Variants in ROBO1 observed in about 807,000 individuals in gnomAD.
The protein encoded by ROBO1 is roundabout guidance receptor 1, also known as roundabout homolog 1.
Under a neutral mutation model 195.9 loss-of-function variants are expected in ROBO1, and 149 were observed. That is an observed-to-expected ratio of 0.76 (90% CI 0.67 to 0.87). ROBO1 has a LOEUF of 0.87. Among genes scored for constraint, ROBO1 ranks in the 40% least tolerant of loss-of-function variants. The pLI is 0.00. For synonymous variants in ROBO1, 816 were observed against 733.2 expected (o/e 1.11, Z -1.82); for missense variants, 1,933 against 2,068.3 (o/e 0.93, Z 1.27).
chr3:79,399,469 T>C (rs376609474), intron 2 of ROBO1, among the ~76,000 whole-genome samples: 263 of 152,278 alleles, frequency 1.7e-3, no homozygotes, highest in African/African-American at 6.0e-3. Flanking sequence ...TGGAACACTT[T>C]TCCTCTGATT....
intron 2 of ROBO1, among the ~76,000 whole-genome samples, chr3:79,283,329 T>C (rs2031653284): frequency 6.6e-6 from 1 of 152,184 alleles, no homozygotes; most frequent in Admixed American, 6.5e-5. Context: ...TCATGCAATA[T>C]ACCCAGGTAA....
intron 2 of ROBO1, among the ~76,000 whole-genome samples, chr3:79,191,461 T>G (rs555201160): frequency 6.6e-6 from 1 of 151,574 alleles, no homozygotes; most frequent in Non-Finnish European, 1.5e-5. Flanking sequence ...CTCTTTGTAT[T>G]ATTTAGATTA....
chr3:79,498,292 G>C (rs560823376), intron 2 of ROBO1, among the ~76,000 whole-genome samples: 1 of 150,924 alleles, frequency 6.6e-6, no homozygotes, highest in Non-Finnish European at 1.5e-5. Context: ...AATTTATACC[G>C]CCATATGGAA....
At chr3:79,145,914 T>C (rs2080639055) in intron 2 of ROBO1, among the ~76,000 whole-genome samples, 1 of 152,032 alleles carries the variant, frequency 6.6e-6, no homozygotes, top group Non-Finnish European at 1.5e-5. Flanking sequence ...TGGATAATTC[T>C]ACTGTAGATG....
intron 5 of ROBO1, among the ~76,000 whole-genome samples, chr3:78,740,880 T>C (rs941803766): frequency 1.3e-5 from 2 of 152,160 alleles, no homozygotes; most frequent in Non-Finnish European, 2.9e-5. Context: ...ATATATACTA[T>C]GAACAGATAT....
intron 1 of ROBO1, among the ~76,000 whole-genome samples, chr3:79,729,611 C>T (rs563801479): frequency 1.3e-5 from 2 of 152,086 alleles, no homozygotes; most frequent in Non-Finnish European, 2.9e-5. Flanking sequence ...CTGTATTTTT[C>T]TCATTTCTGA....
chr3:78,844,559 T>C (rs914276693), intron 4 of ROBO1, among the ~76,000 whole-genome samples: 4 of 152,144 alleles, frequency 2.6e-5, no homozygotes, highest in African/African-American at 9.6e-5. Flanking sequence ...TGGCAAAAGA[T>C]TTATGAGCAA....
At chr3:79,358,633 T>G (rs548252504) in intron 2 of ROBO1, among the ~76,000 whole-genome samples, 1 of 152,192 alleles carries the variant, frequency 6.6e-6, no homozygotes, top group African/African-American at 2.4e-5. Context: ...TGTTTTCCCA[T>G]GCTGGACGTC....
intron 2 of ROBO1, among the ~76,000 whole-genome samples, chr3:79,502,576 C>G (rs1006718301): frequency 6.6e-6 from 1 of 152,156 alleles, no homozygotes; most frequent in African/African-American, 2.4e-5. Context: ...GCTCCCAGTC[C>G]CATCCACTGC....
intron 4 of ROBO1, among the ~76,000 whole-genome samples, chr3:78,848,544 A>G (rs2033824283): frequency 6.6e-6 from 1 of 152,148 alleles, no homozygotes; most frequent in South Asian, 2.1e-4. Flanking sequence ...CAACTCTTGT[A>G]CAGCACAGAC....
intron 2 of ROBO1, among the ~76,000 whole-genome samples, chr3:79,411,909 C>T (rs889196531): frequency 1.3e-5 from 2 of 152,084 alleles, no homozygotes; most frequent in Non-Finnish European, 2.9e-5. Flanking sequence ...ATTGAAAACC[C>T]TGGTTACTCA....
At chr3:79,353,093 A>C (rs1043404182) in intron 2 of ROBO1, among the ~76,000 whole-genome samples, 1 of 152,170 alleles carries the variant, frequency 6.6e-6, no homozygotes, top group Admixed American at 6.5e-5. Context: ...TTAACTGTCT[A>C]TCCGTAATCT....
In ROBO1 at chr3:78,960,167, A is replaced by C. The variant is rs75580003; in HGVS notation, c.173-21240T>G. On this transcript the variant is annotated intron_variant, in intron 3 of 30. Coordinates refer to ENST00000464233, the MANE Select transcript of ROBO1 (RefSeq NM_002941.4). The stretch of plus-strand genomic sequence containing the variant: ...ACTCCAGCATGGGTGACACGGCAAA[A>C]TCCCATCTCTAAAAACATAGAAAAT... Among the ~76,000 whole-genome samples, 236 of 152,166 alleles carry C rather than the reference A, an allele frequency of 1.6e-3. 1 individual carries two copies. In the East Asian group the frequency reaches 0.031, roughly 20 times the overall value.
chr3:79,121,229 G>T (rs185742665), intron 3 of ROBO1, among the ~76,000 whole-genome samples: 25 of 152,124 alleles, frequency 1.6e-4, no homozygotes, highest in African/African-American at 5.5e-4. Context: ...GTACATACAC[G>T]TTAAAAATTC....
At chr3:79,500,989 G>T (rs1451661807) in intron 2 of ROBO1, among the ~76,000 whole-genome samples, 1 of 151,820 alleles carries the variant, frequency 6.6e-6, no homozygotes, top group Non-Finnish European at 1.5e-5. Context: ...CTCCACCTCA[G>T]ATGAGCCTTC....
At chr3:79,676,332 A>G (rs1019660847) in intron 1 of ROBO1, among the ~76,000 whole-genome samples, 3 of 152,068 alleles carry the variant, frequency 2.0e-5, no homozygotes, top group African/African-American at 4.8e-5. Flanking sequence ...CATTTAGCAG[A>G]TTAAAGCAAA....
intron 2 of ROBO1, among the ~76,000 whole-genome samples, chr3:79,473,113 C>A (rs1046118606): frequency 2.0e-5 from 3 of 152,140 alleles, no homozygotes; most frequent in Admixed American, 2.0e-4. Context: ...AAAGTAAAGT[C>A]TTTGCAGACA....
intron 3 of ROBO1, among the ~76,000 whole-genome samples, chr3:78,983,473 T>A (rs2077041344): frequency 6.6e-6 from 1 of 152,256 alleles, no homozygotes; most frequent in African/African-American, 2.4e-5. Context: ...TTCTCAGAGT[T>A]CAGGACATTT....
chr3:79,212,501 G>A (rs1443978367), intron 2 of ROBO1, among the ~76,000 whole-genome samples: 1 of 152,164 alleles, frequency 6.6e-6, no homozygotes, highest in African/African-American at 2.4e-5. Context: ...GTGAATAACA[G>A]TGAAATATTT....
Sources: allele counts gnomAD v4.1 joint callset (sites outside exome capture counted in the v4.1 genomes callset), GRCh38; gene constraint gnomAD v4.1.1; transcripts MANE v1.5; gene names NCBI Gene and HGNC (gene_info 2026-07-23, HGNC 2026-07-21).